The following ITPR2 variants were observed in gnomAD, a reference collection of about 807,000 sequenced individuals.
ITPR2 encodes the protein inositol 1,4,5-trisphosphate receptor type 2.
Under a neutral mutation model 317.1 loss-of-function variants are expected in ITPR2, and 207 were observed. The observed-to-expected ratio is 0.65, with a 90% CI of 0.58 to 0.73. The LOEUF is 0.73. Ranked by LOEUF, ITPR2 falls within the 30% of genes least tolerant of loss-of-function variation. The pLI is 0.00. For missense variants in ITPR2, 2,613 were observed against 3,284.0 expected (o/e 0.80, Z 4.99); for synonymous variants, 1,156 against 1,149.1 (o/e 1.01, Z -0.12).
At position 26,715,523 on chromosome 12, in the gene ITPR2, C is replaced by A. The variant is rs1015798164; in HGVS notation, c.709-78G>T. ...CTCTTTCTGGTTTTGCTACTCTGGGCCCTTCTACTAGCTATTTGACTTTTA... is the reference window on the plus strand; with the variant it reads ...CTCTTTCTGGTTTTGCTACTCTGGGACCTTCTACTAGCTATTTGACTTTTA... On this transcript the variant is annotated intron_variant, in intron 7 of 56. Coordinates refer to ENST00000381340, the MANE Select transcript of ITPR2 (RefSeq NM_002223.4). 32 of 1,274,838 alleles carry A rather than the reference C, an allele frequency of 2.5e-5. No individual in the cohort carries two copies. The Admixed American group carries it at 4.7e-4, about 19-fold the overall frequency. The allele number at this position is 1,274,838 out of a possible 1,614,324, so 79.0% of individuals were successfully genotyped here.
intron 16 of ITPR2, 70 bp downstream of exon 16, chr12:26,659,043 A>G: frequency 7.7e-7 from 1 of 1,294,446 alleles, no homozygotes; most frequent in Non-Finnish European, 1.1e-6. Context: ...CTAACTTTTA[A>G]AAGTTCTAAA....
chr12:26,655,045 C>T (rs972357209), intron 20 of ITPR2, among the ~76,000 whole-genome samples: 2 of 152,202 alleles, frequency 1.3e-5, no homozygotes, highest in Admixed American at 1.3e-4. Context: ...GTAGCTAATA[C>T]ACCAGTTATC....
chr12:26,734,178 T>C (rs1007461741), intron 2 of ITPR2, among the ~76,000 whole-genome samples: 2 of 152,210 alleles, frequency 1.3e-5, no homozygotes, highest in African/African-American at 4.8e-5. Context: ...GTTTTAGAGC[T>C]CTAACCTAAA....
At chr12:26,501,210 C>A (rs992600104) in intron 37 of ITPR2, among the ~76,000 whole-genome samples, 1 of 152,142 alleles carries the variant, frequency 6.6e-6, no homozygotes, top group South Asian at 2.1e-4. Context: ...TAACATTAAA[C>A]TTGGTATTAG....
intron 9 of ITPR2, among the ~76,000 whole-genome samples, chr12:26,698,241 A>G (rs911748145): frequency 2.6e-5 from 4 of 152,250 alleles, no homozygotes; most frequent in Admixed American, 2.0e-4. Context: ...TGAAGATGAT[A>G]AGGGGAAAAG....
chr12:26,372,162 C>CTGT (rs1348281107), intron 55 of ITPR2, among the ~76,000 whole-genome samples: 1 of 152,154 alleles, frequency 6.6e-6, no homozygotes, highest in East Asian at 1.9e-4. Flanking sequence ...ATATTGCTGC[C>CTGT]TGTTATTAAC....
At chr12:26,514,719 T>A (rs1288551096) in intron 37 of ITPR2, among the ~76,000 whole-genome samples, 1 of 152,202 alleles carries the variant, frequency 6.6e-6, no homozygotes, top group Non-Finnish European at 1.5e-5. Flanking sequence ...AAAAGGAAAA[T>A]TAAGTATAAA....
chr12:26,781,844 A>C (rs1207173964), intron 2 of ITPR2, among the ~76,000 whole-genome samples: 1 of 151,798 alleles, frequency 6.6e-6, no homozygotes, highest in Non-Finnish European at 1.5e-5. Context: ...AAAAATGTGA[A>C]AAGGCTAGAC....
At chr12:26,708,143 T>C (rs1592058164) in intron 9 of ITPR2, among the ~76,000 whole-genome samples, 3 of 152,286 alleles carry the variant, frequency 2.0e-5, no homozygotes, top group Admixed American at 2.0e-4. Context: ...CTCACATGGT[T>C]GGTAGGAATG....
chr12:26,402,968 G>A (rs535560465), intron 52 of ITPR2, among the ~76,000 whole-genome samples: 13 of 152,262 alleles, frequency 8.5e-5, no homozygotes, highest in African/African-American at 3.1e-4. Context: ...AAAATTTATG[G>A]TCCCTAGGAA....
intron 37 of ITPR2, among the ~76,000 whole-genome samples, chr12:26,524,016 A>G (rs1193445301): frequency 6.6e-6 from 1 of 152,192 alleles, no homozygotes; most frequent in Non-Finnish European, 1.5e-5. Context: ...TGGGACTTTC[A>G]TAGCAGCAAA....
At chr12:26,538,874 C>T (rs999155553) in intron 37 of ITPR2, among the ~76,000 whole-genome samples, 2 of 152,306 alleles carry the variant, frequency 1.3e-5, no homozygotes, top group Admixed American at 1.3e-4. Context: ...TGCGCCCGGA[C>T]AGCCTGTGAT....
chr12:26,487,688 G>T (rs768439875), intron 39 of ITPR2, among the ~76,000 whole-genome samples: 24 of 152,274 alleles, frequency 1.6e-4, no homozygotes, highest in Non-Finnish European at 2.6e-4. Context: ...TTGTTCTCAT[G>T]AGTTTGTAAT....
chr12:26,588,370 A>G (rs910737437), intron 32 of ITPR2, among the ~76,000 whole-genome samples: 38 of 152,202 alleles, frequency 2.5e-4, no homozygotes, highest in African/African-American at 8.4e-4. Flanking sequence ...AGTGGAATTG[A>G]CATCCTGGGG....
intron 53 of ITPR2, 56 bp downstream of exon 53, chr12:26,400,072 A>C (rs1940123428): frequency 9.7e-6 from 15 of 1,540,270 alleles, no homozygotes; most frequent in Admixed American, 1.9e-5. Flanking sequence ...AATGCTGTGA[A>C]GAAAGGTTTA....
At chr12:26,615,068 T>C (rs1409163515) in intron 26 of ITPR2, among the ~76,000 whole-genome samples, 2 of 152,208 alleles carry the variant, frequency 1.3e-5, no homozygotes, top group African/African-American at 4.8e-5. Context: ...ATGGGAACTC[T>C]ATGCTTTCTG....
At chr12:26,436,053 G>A (rs1941342138) in intron 48 of ITPR2, among the ~76,000 whole-genome samples, 168 bp downstream of exon 48, 1 of 152,104 alleles carries the variant, frequency 6.6e-6, no homozygotes, top group South Asian at 2.1e-4. Context: ...AAAAATAACA[G>A]TTCTGTTGAC....
intron 37 of ITPR2, among the ~76,000 whole-genome samples, chr12:26,530,488 G>C (rs972290379): frequency 3.9e-5 from 6 of 152,158 alleles, no homozygotes; most frequent in African/African-American, 1.4e-4. Flanking sequence ...CTTTCTTGAT[G>C]GTCAGAAGTA....
At chr12:26,419,340 T>G (rs1940818696) in intron 49 of ITPR2, 127 bp from the exon 50 acceptor site, 2 of 756,154 alleles carry the variant, frequency 2.6e-6, no homozygotes, top group African/African-American at 3.6e-5. Context: ...AATCTATGAC[T>G]TTTTGACATG....
Sources: allele counts gnomAD v4.1 joint callset (sites outside exome capture counted in the v4.1 genomes callset), GRCh38; gene constraint gnomAD v4.1.1; transcripts MANE v1.5; gene names NCBI Gene and HGNC (gene_info 2026-07-23, HGNC 2026-07-21).